The following MAP3K7CL variants were observed in gnomAD, a reference collection of about 807,000 sequenced individuals.
MAP3K7CL encodes the protein MAP3K7 C-terminal-like protein.
MAP3K7CL carries 16 observed loss-of-function variants against 18.6 expected under a neutral mutation model. The ratio of observed to expected loss-of-function variants is 0.86; its 90% CI spans 0.58 to 1.31. The LOEUF is 1.31. MAP3K7CL is among the 50% of genes most tolerant of loss of function. MAP3K7CL has a pLI of 0.00. For missense variants in MAP3K7CL, 163 were observed against 174.4 expected, an observed-to-expected ratio of 0.93 and a Z score of 0.37; for synonymous variants, 65 against 66.8, an observed-to-expected ratio of 0.97 and a Z score of 0.13.
chr21:29,090,123 A>G (rs1018853814), intron 1 of MAP3K7CL, among the ~76,000 whole-genome samples: 9 of 152,232 alleles, frequency 5.9e-5, no homozygotes, highest in Non-Finnish European at 1.0e-4. Flanking sequence ...TTCATTCTGC[A>G]GTATTTTTTA....
chr21:29,152,710 CATTTGATCTT>C (rs1255076855), intron 3 of MAP3K7CL, among the ~76,000 whole-genome samples: 1 of 152,184 alleles, frequency 6.6e-6, no homozygotes, highest in Non-Finnish European at 1.5e-5. Context: ...CATATGATCT[CATTTGATCTT>C]TGCAATAATG....
intron 3 of MAP3K7CL, among the ~76,000 whole-genome samples, chr21:29,150,765 C>A (rs1179911867): frequency 7.2e-6 from 1 of 138,168 alleles, no homozygotes; most frequent in Non-Finnish European, 1.6e-5. Flanking sequence ...TCTCCCTCTA[C>A]CTTTCCTTTT....
intron 4 of MAP3K7CL, among the ~76,000 whole-genome samples, chr21:29,113,090 C>A (rs749106323): frequency 2.0e-4 from 31 of 152,156 alleles, no homozygotes; most frequent in Non-Finnish European, 3.2e-4. Flanking sequence ...CCACTGCGCC[C>A]GGCCCCATTT....
chr21:29,134,051 G>A (rs1286070517), intron 2 of MAP3K7CL, among the ~76,000 whole-genome samples: 5 of 152,232 alleles, frequency 3.3e-5, no homozygotes, highest in Non-Finnish European at 5.9e-5. Context: ...GGAGGTCACG[G>A]TGCTGAGGAA....
intron 2 of MAP3K7CL, among the ~76,000 whole-genome samples, chr21:29,134,717 G>T (rs2086846490): frequency 6.6e-6 from 1 of 152,112 alleles, no homozygotes; most frequent in Admixed American, 6.5e-5. Flanking sequence ...ATACTTCTCT[G>T]TCATAATAAG....
intron 2 of MAP3K7CL, among the ~76,000 whole-genome samples, chr21:29,144,052 G>A (rs538694125): frequency 1.3e-5 from 2 of 152,232 alleles, no homozygotes; most frequent in South Asian, 4.2e-4. Context: ...CTGTCCTAAA[G>A]GGATACTAAT....
At chr21:29,132,475 T>C (rs898770000) in intron 1 of MAP3K7CL, among the ~76,000 whole-genome samples, 1 of 152,192 alleles carries the variant, frequency 6.6e-6, no homozygotes, top group African/African-American at 2.4e-5. Flanking sequence ...ATATTCATCA[T>C]ATAACAGATA....
upstream of MAP3K7CL, among the ~76,000 whole-genome samples, chr21:29,084,407 A>T (rs1211552983): frequency 6.6e-6 from 1 of 152,218 alleles, no homozygotes; most frequent in Admixed American, 6.5e-5. Flanking sequence ...TTAGGTACTT[A>T]GCCCATGAGC....
chr21:29,140,348 G>A (rs1402910414), intron 2 of MAP3K7CL, among the ~76,000 whole-genome samples: 1 of 152,188 alleles, frequency 6.6e-6, no homozygotes, highest in African/African-American at 2.4e-5. Flanking sequence ...CAGAAAGAAG[G>A]TGAGTGTTCA....
At chr21:29,150,711 C>G (rs1483478347) in intron 3 of MAP3K7CL, among the ~76,000 whole-genome samples, 1 of 151,670 alleles carries the variant, frequency 6.6e-6, no homozygotes, top group Non-Finnish European at 1.5e-5. Context: ...CCCACTCCCA[C>G]CCCCACCAAT....
chr21:29,169,988 C>A (rs972433766), intron 4 of MAP3K7CL, among the ~76,000 whole-genome samples: 1 of 152,146 alleles, frequency 6.6e-6, no homozygotes, highest in Admixed American at 6.6e-5. Flanking sequence ...TGGTCTTCTA[C>A]CCCCATATTA....
At chr21:29,110,565 T>G (rs2086401875) in intron 4 of MAP3K7CL, among the ~76,000 whole-genome samples, 1 of 152,080 alleles carries the variant, frequency 6.6e-6, no homozygotes, top group African/African-American at 2.4e-5. Context: ...CCCACCTAAT[T>G]CTTATATTTT....
intron 1 of MAP3K7CL, among the ~76,000 whole-genome samples, chr21:29,078,878 G>A (rs2085792155): frequency 6.6e-6 from 1 of 152,146 alleles, no homozygotes; most frequent in African/African-American, 2.4e-5. Flanking sequence ...GCATGGCTAA[G>A]GTAAAGTCCT....
In MAP3K7CL at chr21:29,174,984, A is replaced by G. The variant is rs903060931; in HGVS notation, c.*92A>G. 2.5e-5 allele frequency: 32 copies of G among 1,281,058 alleles called. No homozygotes were observed. Among genetic ancestry groups the G allele is most frequent in the Non-Finnish European group, 2.9e-5 (27 of 934,360 alleles). 79.4% of individuals were successfully genotyped at this position (1,281,058 alleles called of 1,614,324 possible). On this transcript the variant is annotated 3_prime_UTR_variant, in exon 5 of 5. Transcript: ENST00000399928. ...TTTAAATGAATAGTGAGTCAGATCT[A>G]TTGCTTCTCTGTATTACCCACATGA...
At chr21:29,117,566 C>T (rs189898031) in intron 4 of MAP3K7CL, among the ~76,000 whole-genome samples, 31 of 152,318 alleles carry the variant, frequency 2.0e-4, no homozygotes, top group East Asian at 1.9e-3. Context: ...CCTTATTAGG[C>T]CCCAGTGATT....
intron 1 of MAP3K7CL, among the ~76,000 whole-genome samples, chr21:29,079,010 C>T (rs1468818235): frequency 1.3e-5 from 2 of 152,176 alleles, no homozygotes; most frequent in Non-Finnish European, 1.5e-5. Context: ...TTGTTCTGCT[C>T]ATCAAAAAGA....
intron 3 of MAP3K7CL, among the ~76,000 whole-genome samples, chr21:29,150,609 G>C (rs2087246298): frequency 6.6e-6 from 1 of 152,072 alleles, no homozygotes; most frequent in African/African-American, 2.4e-5. Flanking sequence ...CTAGCTATCA[G>C]CCATCACGTC....
At chr21:29,114,427 G>A (rs1407939251) in intron 4 of MAP3K7CL, among the ~76,000 whole-genome samples, 1 of 151,844 alleles carries the variant, frequency 6.6e-6, no homozygotes, top group Non-Finnish European at 1.5e-5. Context: ...GCCTTGCTCT[G>A]CCACCCAGGC....
intron 4 of MAP3K7CL, among the ~76,000 whole-genome samples, chr21:29,110,278 A>C (rs1276326810): frequency 6.6e-6 from 1 of 152,208 alleles, no homozygotes; most frequent in Non-Finnish European, 1.5e-5. Flanking sequence ...TACAATTTTG[A>C]CTAAAGTCAT....
Sources: allele counts gnomAD v4.1 joint callset (sites outside exome capture counted in the v4.1 genomes callset), GRCh38; gene constraint gnomAD v4.1.1; transcripts MANE v1.5; gene names NCBI Gene and HGNC (gene_info 2026-07-23, HGNC 2026-07-21).